The following MMS22L variants were observed in gnomAD, a reference collection of about 807,000 sequenced individuals.
The protein encoded by MMS22L is MMS22 like, DNA repair protein, also known as protein MMS22-like.
Under a neutral mutation model 159.1 loss-of-function variants are expected in MMS22L, and 74 were observed. The ratio of observed to expected loss-of-function variants is 0.47; its 90% CI spans 0.39 to 0.56. The LOEUF (loss-of-function observed/expected upper bound fraction) is 0.56, where lower values mean the gene tolerates loss of function less well. Ranked by LOEUF, MMS22L falls within the 20% of genes least tolerant of loss-of-function variation. The pLI, the probability that MMS22L is intolerant of heterozygous loss-of-function variation, is 0.00. For missense variants in MMS22L, 1,351 were observed against 1,422.1 expected (o/e 0.95, Z 0.80); for synonymous variants, 517 against 506.9 (o/e 1.02, Z -0.27).
intron 11 of MMS22L, among the ~76,000 whole-genome samples, chr6:97,237,276 G>A (rs1048763039): frequency 2.6e-5 from 4 of 152,120 alleles, no homozygotes; most frequent in East Asian, 3.8e-4. Context: ...CAGAAATAGT[G>A]TACAGGTAAA....
At chr6:97,258,137 C>A (rs1814027513) in intron 9 of MMS22L, among the ~76,000 whole-genome samples, 2 of 152,116 alleles carry the variant, frequency 1.3e-5, no homozygotes, top group African/African-American at 4.8e-5. Flanking sequence ...CAATGGAGGC[C>A]AGTGGGATGA....
chr6:97,174,035 A>G (rs1803849053), intron 18 of MMS22L, among the ~76,000 whole-genome samples: 1 of 151,956 alleles, frequency 6.6e-6, no homozygotes, highest in Admixed American at 6.6e-5. Context: ...TGGGCAGATC[A>G]TGAGGTCAAG....
At chr6:97,165,222 C>T (rs1448135881) in intron 21 of MMS22L, 24 bp downstream of exon 21, 1 of 1,588,114 alleles carries the variant, frequency 6.3e-7, no homozygotes, top group Non-Finnish European at 8.6e-7. Context: ...GTACATACCA[C>T]CTATATTTAA....
At chr6:97,209,889 CTAAA>C (rs1398111312) in intron 14 of MMS22L, among the ~76,000 whole-genome samples, 1 of 151,816 alleles carries the variant, frequency 6.6e-6, no homozygotes, top group Non-Finnish European at 1.5e-5. Context: ...AAGCAGAAAA[CTAAA>C]TAATGGTAAT....
chr6:97,175,745 T>C (rs1562419850), intron 18 of MMS22L, among the ~76,000 whole-genome samples: 1 of 152,196 alleles, frequency 6.6e-6, no homozygotes, highest in Non-Finnish European at 1.5e-5. Flanking sequence ...AAGATCACGA[T>C]GACAAATACA....
chr6:97,150,398 A>G (rs1801201071), intron 23 of MMS22L, among the ~76,000 whole-genome samples: 1 of 152,100 alleles, frequency 6.6e-6, no homozygotes, highest in South Asian at 2.1e-4. Context: ...GTTATTTTTT[A>G]GTTCTTTGTA....
chr6:97,266,265 C>T (rs1316232765), intron 8 of MMS22L: 1 of 152,126 alleles, frequency 6.6e-6, no homozygotes, highest in African/African-American at 2.4e-5. Flanking sequence ...ATGCAAATTC[C>T]TCACAAAATT....
chr6:97,184,542 T>C (rs1317810810), intron 15 of MMS22L, among the ~76,000 whole-genome samples: 5 of 152,162 alleles, frequency 3.3e-5, no homozygotes, highest in Admixed American at 3.3e-4. Context: ...AAATCTGTTC[T>C]AGCCTCAATC....
intron 14 of MMS22L, among the ~76,000 whole-genome samples, chr6:97,209,557 C>A (rs1325181072): frequency 7.2e-5 from 11 of 151,856 alleles, no homozygotes; most frequent in Admixed American, 7.2e-4. Context: ...TCTCCTCAAC[C>A]CAAAGCAAAA....
chr6:97,282,965 C>T (rs1368504335), intron 1 of MMS22L, 131 bp downstream of exon 1: 2 of 152,456 alleles, frequency 1.3e-5, no homozygotes, highest in East Asian at 3.9e-4. Flanking sequence ...CCCCGACCCT[C>T]CAAGGAGGAG....
chr6:97,224,032 A>G (rs1160698198), intron 14 of MMS22L, among the ~76,000 whole-genome samples: 3 of 152,176 alleles, frequency 2.0e-5, no homozygotes, highest in African/African-American at 7.2e-5. Context: ...CATAGTTGAC[A>G]GCATAAGACA....
Position 97,143,047 on chromosome 6 carries a change from G to A in MMS22L, c.*3759C>T, listed in dbSNP as rs758752079. The A allele has an allele frequency of 4.6e-5, 7 of 152,538 alleles. No homozygotes were observed. The highest frequency in any genetic ancestry group is 7.4e-5 in the Non-Finnish European group (5 of 68,008). The allele number at this position is 152,538 out of a possible 1,614,324, so 9.4% of individuals were successfully genotyped here. A position where few individuals can be genotyped will look rare whatever the true frequency, so the allele number is the denominator to read the frequency against. ...GAATGACTTTTCCACAGTCCTCCAT[G>A]CTTCCTTCCTTGCCATGGAAACGTT... On this transcript the variant is annotated 3_prime_UTR_variant, in exon 25 of 25. Coordinates refer to ENST00000683635, the MANE Select transcript of MMS22L (RefSeq NM_001350599.2).
rs765666317 is a variant in MMS22L at position 97,254,748 on chromosome 6, G to A, written c.943-15C>T. ...TTCCAAAATGACTATAGAAACAGAAGTAATTTGATTCCATTAAGACAGTTT... is the reference window on the plus strand; with the variant it reads ...TTCCAAAATGACTATAGAAACAGAAATAATTTGATTCCATTAAGACAGTTT... On this transcript the variant is annotated splice_polypyrimidine_tract_variant and intron_variant, in intron 9 of 24. Transcript: ENST00000683635. 10 of 1,569,600 alleles carry A rather than the reference G, an allele frequency of 6.4e-6. No individual in the cohort carries two copies.
chr6:97,261,586 C>T (rs1273664144), intron 9 of MMS22L: 1 of 152,098 alleles, frequency 6.6e-6, no homozygotes, highest in Non-Finnish European at 1.5e-5. Context: ...GGATTGCAGT[C>T]AATAGTAGGC....
chr6:97,151,859 G>A lies in MMS22L; in HGVS notation c.3394C>T (p.Leu1132=). The A allele has an allele frequency of 6.2e-7, 1 of 1,613,348 alleles. No homozygotes were observed. The highest frequency in any genetic ancestry group is 1.1e-5 in the South Asian group (1 of 91,038). The change falls in exon 23 of 25, where the codon CTG becomes TTG. Residue 1132 remains leucine (L), a synonymous_variant. Transcript: ENST00000683635. ...ATGTATTGCAGGTTCTCTGTGGCCAGCCTTTTAACTAGAAGGAAAAATTAC... is the reference window on the plus strand; with the variant it reads ...ATGTATTGCAGGTTCTCTGTGGCCAACCTTTTAACTAGAAGGAAAAATTAC... The part of the protein sequence containing the change: ...VLVSEPQVKR[L]ATENLQYMVK...
chr6:97,200,629 A>G (rs1807038596), intron 14 of MMS22L, among the ~76,000 whole-genome samples: 1 of 152,104 alleles, frequency 6.6e-6, no homozygotes, highest in Admixed American at 6.6e-5. Flanking sequence ...AAAAAAATCC[A>G]TGCATATGCT....
chr6:97,162,645 T>A (rs1219860788), intron 21 of MMS22L, among the ~76,000 whole-genome samples: 1 of 151,996 alleles, frequency 6.6e-6, no homozygotes, highest in African/African-American at 2.4e-5. Context: ...AGGAATAAGA[T>A]AGGACACTCA....
At chr6:97,232,040 G>A (rs144204058) in intron 12 of MMS22L, among the ~76,000 whole-genome samples, 1 of 152,168 alleles carries the variant, frequency 6.6e-6, no homozygotes, top group Non-Finnish European at 1.5e-5. Context: ...AAATTTAGCT[G>A]CTTGTATGGC....
chr6:97,197,455 T>A (rs2128295477), intron 14 of MMS22L, among the ~76,000 whole-genome samples: 1 of 152,290 alleles, frequency 6.6e-6, no homozygotes, highest in Admixed American at 6.5e-5. Context: ...CTAGTTAAGG[T>A]CCAGGATCTT....
Sources: allele counts gnomAD v4.1 joint callset (sites outside exome capture counted in the v4.1 genomes callset), GRCh38; gene constraint gnomAD v4.1.1; transcripts MANE v1.5; gene names NCBI Gene and HGNC (gene_info 2026-07-23, HGNC 2026-07-21).